The following SEC13 variants were observed in gnomAD, a reference collection of about 807,000 sequenced individuals.
The protein encoded by SEC13 is SEC13 homolog, nuclear pore and COPII component.
A neutral mutation model predicts 49.2 loss-of-function variants in SEC13; 25 were observed. That is an observed-to-expected ratio of 0.51 (90% CI 0.37 to 0.71). SEC13 has a LOEUF of 0.71. Among genes scored for constraint, SEC13 ranks in the 30% least tolerant of loss-of-function variants. The pLI is 0.00. For missense variants in SEC13, 383 were observed against 417.6 expected, an observed-to-expected ratio of 0.92 and a Z score of 0.72; for synonymous variants, 148 against 163.9, an observed-to-expected ratio of 0.90 and a Z score of 0.74.
chr3:10,306,126 C>T (rs58221977), intron 5 of SEC13, among the ~76,000 whole-genome samples: 2,630 of 152,228 alleles, frequency 0.017, 69 homozygotes, highest in African/African-American at 0.059. Flanking sequence ...ACCCATTTTC[C>T]CCCCATTTTA....
chr3:10,307,324 T>C (rs1324273330), intron 5 of SEC13, among the ~76,000 whole-genome samples: 2 of 152,004 alleles, frequency 1.3e-5, no homozygotes, highest in Non-Finnish European at 2.9e-5. Context: ...TTCTCCTGCC[T>C]CAGCCTCCCG....
rs1041659575 is a variant in SEC13, at chr3:10,304,893, C to G, written c.708+140G>C. The G allele has an allele frequency of 6.1e-5, 77 of 1,257,486 alleles. No homozygotes were observed. In the African/African-American group the frequency reaches 1.1e-3, roughly 18 times the overall value. The allele number at this position is 1,257,486 out of a possible 1,614,324, so 77.9% of individuals were successfully genotyped here. A position where few individuals can be genotyped will look rare whatever the true frequency, so the allele number is the denominator to read the frequency against. On this transcript the variant is annotated intron_variant, in intron 7 of 8. Transcript: ENST00000350697. Reference sequence around the variant, plus strand: ...TGACCAAGACTTCCCCACACAATGACCTGACTCCCTGTGCTCTGGGCCAAA... The same window carrying G: ...TGACCAAGACTTCCCCACACAATGAGCTGACTCCCTGTGCTCTGGGCCAAA...
At chr3:10,304,918 AG>A in intron 7 of SEC13, 114 bp downstream of exon 7, 1 of 1,498,502 alleles carries the variant, frequency 6.7e-7, no homozygotes, top group Non-Finnish European at 9.1e-7. Context: ...TCTGGGCCAA[AG>A]GTGCCTGTTG....
At chr3:10,305,788 CTG>C (rs1164621475) in intron 5 of SEC13, 96 bp from the exon 6 acceptor site, 43 of 1,387,390 alleles carry the variant, frequency 3.1e-5, no homozygotes, top group Non-Finnish European at 3.2e-5. Context: ...CTTCTCAGGA[CTG>C]GAGTGTGTGT....
In SEC13 at chr3:10,312,876, A is replaced by G. The variant is rs948892527; in HGVS notation, c.165-146T>C. 6.2e-5 allele frequency: 46 copies of G among 740,492 alleles called. No individual in the cohort carries two copies. The South Asian group carries it at 8.9e-4, about 14-fold the overall frequency. The allele number at this position is 740,492 out of a possible 1,614,324, so 45.9% of individuals were successfully genotyped here. On this transcript the variant is annotated intron_variant, in intron 3 of 8. Transcript: ENST00000350697. ...GAGAACTATACAATGCCATTGCAAA[A>G]GGGGTGCTCAGTGGACAGTGAGGAG...
chr3:10,305,269 C>G (rs915965439), intron 6 of SEC13, 113 bp from the exon 7 acceptor site: 67 of 1,427,010 alleles, frequency 4.7e-5, no homozygotes, highest in Non-Finnish European at 5.9e-5. Flanking sequence ...TTTCTTCTTT[C>G]ATTCATGGAG....
At chr3:10,320,522 C>G in intron 1 of SEC13, 1 of 985,736 alleles carries the variant, frequency 1.0e-6, no homozygotes, top group Non-Finnish European at 1.2e-6. Flanking sequence ...GGGGCCCTAC[C>G]CCGAGCAACA....
intron 3 of SEC13, chr3:10,313,583 C>G (rs1701421237): frequency 3.6e-6 from 1 of 279,910 alleles, no homozygotes; most frequent in Non-Finnish European, 8.1e-6. Flanking sequence ...ACACTCAAGT[C>G]TCCTCCTCCC....
In SEC13 at chr3:10,302,193, G is replaced by A. The variant is rs143832435; in HGVS notation, c.856-819C>T. Among the ~76,000 whole-genome samples the A allele has an allele frequency of 7.0e-3, 1,067 of 152,264 alleles. 9 individuals carry two copies. The highest frequency in any genetic ancestry group is 0.025 in the African/African-American group (1,038 of 41,550). ...GCGGAGGTTGCAGTGAGCCGAGACT[G>A]CGCCACTGCACTCCAGCCTGGACGA... is the stretch of plus-strand genomic sequence containing the variant. On this transcript the variant is annotated intron_variant, in intron 8 of 8. Coordinates refer to ENST00000350697, the MANE Select transcript of SEC13 (RefSeq NM_183352.3).
chr3:10,320,719 G>A (rs2059760968), intron 1 of SEC13: 2 of 1,194,910 alleles, frequency 1.7e-6, no homozygotes, highest in East Asian at 7.6e-5. Flanking sequence ...AGCAGGCGGA[G>A]ATTACGAACA....
Position 10,319,587 on chromosome 3 carries a change from G to C in SEC13, c.3+1463C>G, listed in dbSNP as rs117431161. Among the ~76,000 whole-genome samples the C allele has an allele frequency of 2.2e-3, 337 of 152,180 alleles. 11 individuals are homozygous for C. In the South Asian group the frequency reaches 0.039, roughly 18 times the overall value. ...TTCACTCCACCAGGCTGCCTGTCTA[G>C]AATGTAAAGCAGTTGTTACACTGAG... is the stretch of plus-strand genomic sequence containing the variant. On this transcript the variant is annotated intron_variant, in intron 1 of 8. Transcript: ENST00000350697.
Position 10,321,080 on chromosome 3 carries a change from C to A in SEC13, c.-28G>T, listed in dbSNP as rs779810461. 1.2e-6 allele frequency: 2 copies of A among 1,612,828 alleles called. No homozygotes were observed. The highest frequency in any genetic ancestry group is 1.1e-5 in the South Asian group (1 of 90,758). The stretch of plus-strand genomic sequence containing the variant: ...TTGCGGCGGTGGCTGCTCCAGGTCT[C>A]GGACGTGGCAGCTCCCGGCGGCGCC... On this transcript the variant is annotated 5_prime_UTR_variant, in exon 1 of 9. Transcript: ENST00000350697. The surrounding 1 kb of genome is among the most constrained non-coding windows in gnomAD (Gnocchi z 4.1).
At chr3:10,312,279 T>C (rs573982647) in intron 4 of SEC13, among the ~76,000 whole-genome samples, 181 bp from the exon 5 acceptor site, 4 of 152,294 alleles carry the variant, frequency 2.6e-5, no homozygotes, top group African/African-American at 9.6e-5. Flanking sequence ...AATACCACGA[T>C]TTCATAACCT....
chr3:10,309,497 TG>T (rs61425203), intron 5 of SEC13, among the ~76,000 whole-genome samples: 2,644 of 152,324 alleles, frequency 0.017, 73 homozygotes, highest in African/African-American at 0.059. Flanking sequence ...CATCGACACT[TG>T]CATTTCGTCT....
rs963570516 is a variant in SEC13 at position 10,300,997 on chromosome 3, A to G, written c.*264T>C. 1 of 1,321,502 alleles carries G rather than the reference A, an allele frequency of 7.6e-7. No homozygotes were observed. Among genetic ancestry groups the G allele is most frequent in the African/African-American group, 1.5e-5 (1 of 68,326 alleles). 81.9% of individuals were successfully genotyped at this position (1,321,502 alleles called of 1,614,324 possible). A position where few individuals can be genotyped will look rare whatever the true frequency, so the allele number is the denominator to read the frequency against. ...ACCCCCCAAATAATGCCTGAACCCA[A>G]AGGTACATAAAAATGACCCAAAATA... On this transcript the variant is annotated 3_prime_UTR_variant, in exon 9 of 9. Coordinates refer to ENST00000350697, the MANE Select transcript of SEC13 (RefSeq NM_183352.3).
Position 10,312,563 on chromosome 3 carries a change from G to A in SEC13, c.316+16C>T. ...CAGTGGTCCCCTTGCCCGCTCTGCT[G>A]CCAAGCTCAGCATACCTGAGGAGTC... is the stretch of plus-strand genomic sequence containing the variant. On this transcript the variant is annotated intron_variant, in intron 4 of 8. Coordinates refer to ENST00000350697, the MANE Select transcript of SEC13 (RefSeq NM_183352.3). The A allele has an allele frequency of 6.2e-7, 1 of 1,613,816 alleles. No homozygotes were observed. The highest frequency in any genetic ancestry group is 8.5e-7 in the Non-Finnish European group (1 of 1,179,818).
intron 4 of SEC13, 89 bp downstream of exon 4, chr3:10,312,490 G>A (rs1455313664): frequency 2.7e-6 from 4 of 1,480,794 alleles, no homozygotes; most frequent in Non-Finnish European, 3.7e-6. Flanking sequence ...GAGGCACCAC[G>A]AGGGGCAGGG....
At chr3:10,309,448 TCA>T (rs1701110465) in intron 5 of SEC13, among the ~76,000 whole-genome samples, 1 of 152,250 alleles carries the variant, frequency 6.6e-6, no homozygotes, top group African/African-American at 2.4e-5. Context: ...GTTTCCTTTT[TCA>T]CACTGTTTAT....
chr3:10,320,502 A>C, intron 1 of SEC13: 1 of 985,520 alleles, frequency 1.0e-6, no homozygotes, highest in Non-Finnish European at 1.2e-6. Flanking sequence ...CGAGGTGCCC[A>C]TCCTACCTGG....
Sources: gnomAD v4.1 joint callset for allele counts (sites outside exome capture counted in the v4.1 genomes callset) on GRCh38, gnomAD v4.1.1 for gene constraint, Gnocchi (gnomAD v3.1) non-coding constraint, MANE v1.5 for transcripts, NCBI Gene and HGNC (gene_info 2026-07-23, HGNC 2026-07-21) for gene names.